RFC3: variants seen among roughly 807,000 people sequenced by gnomAD.
The protein encoded by RFC3 is A1 38 kDa subunit.
RFC3 carries 41 observed loss-of-function variants against 45.1 expected under a neutral mutation model. The observed-to-expected ratio is 0.91, with a 90% CI of 0.71 to 1.18. RFC3 has a LOEUF of 1.18. Among genes scored for constraint, RFC3 ranks in the 50% most tolerant of loss-of-function variants. The pLI is 0.00. For synonymous variants in RFC3, 149 were observed against 144.0 expected (o/e 1.03, Z -0.25); for missense variants, 423 against 428.1 (o/e 0.99, Z 0.10).
chr13:33,918,693 T>A (rs2082748605), intron 8 of RFC3, among the ~76,000 whole-genome samples: 1 of 152,098 alleles, frequency 6.6e-6, no homozygotes, highest in South Asian at 2.1e-4. Context: ...GTGGAGGGCA[T>A]TGCGACAAAA....
chr13:33,821,250 T>C lies in RFC3; in HGVS notation c.206T>C (p.Ile69Thr). ...GGTGTTGGAGTGGAAAAATTGAGAA[T>C]TGAACATCAGACCATCACAGTAAGC... ...LYGVGVEKLRIEHQTITTPSK... is the reference protein window; with the variant it reads ...LYGVGVEKLRTEHQTITTPSK... The change falls in exon 2 of 9, where the codon ATT becomes ACT. Residue 69 changes from isoleucine to threonine, a missense_variant. By Grantham distance (89) the Ile-to-Thr change is moderately conservative (BLOSUM62 -1). Transcript: ENST00000380071. The C allele has an allele frequency of 1.9e-6, 3 of 1,613,568 alleles. No individual in the cohort carries two copies. The highest frequency in any genetic ancestry group is 2.5e-6 in the Non-Finnish European group (3 of 1,179,598).
At position 33,939,233 on chromosome 13, in the gene RFC3, A is replaced by G. The variant is rs775174563; in HGVS notation, c.880-26854A>G. On this transcript the variant is annotated intron_variant, in intron 8 of 8. Transcript: ENST00000434425. ...ATATTTTTAATTTAAATATAGTCCA[A>G]TTTATCCATCCCACCTGAGTCTGTG... is the stretch of plus-strand genomic sequence containing the variant. Among the ~76,000 whole-genome samples, 22 of 152,276 alleles carry G rather than the reference A, an allele frequency of 1.4e-4. No homozygotes were observed. In the Middle Eastern group the frequency reaches 0.02, roughly 141 times the overall value.
At chr13:33,886,717 C>A (rs1196603117) in intron 8 of RFC3, among the ~76,000 whole-genome samples, 1 of 148,298 alleles carries the variant, frequency 6.7e-6, no homozygotes, top group Non-Finnish European at 1.5e-5. Context: ...ATGTGCCATG[C>A]TGGTGTGCTG....
At chr13:33,826,394 G>A (rs569316614) in intron 4 of RFC3, among the ~76,000 whole-genome samples, 7 of 152,266 alleles carry the variant, frequency 4.6e-5, no homozygotes, top group Admixed American at 1.3e-4. Flanking sequence ...GTGTTTGGGA[G>A]TGCTCATTTC....
chr13:33,887,531 A>G (rs1166449964), intron 8 of RFC3, among the ~76,000 whole-genome samples: 1 of 151,930 alleles, frequency 6.6e-6, no homozygotes, highest in Non-Finnish European at 1.5e-5. Flanking sequence ...GATTCTGGAT[A>G]TTAGCCCTTT....
At chr13:33,860,726 T>G (rs1249928952) in intron 8 of RFC3, among the ~76,000 whole-genome samples, 1 of 152,188 alleles carries the variant, frequency 6.6e-6, no homozygotes, top group African/African-American at 2.4e-5. Context: ...GTCCCTGTCA[T>G]GATTTTCCTC....
At chr13:33,876,233 C>G (rs989374059) in intron 8 of RFC3, among the ~76,000 whole-genome samples, 7 of 152,206 alleles carry the variant, frequency 4.6e-5, no homozygotes, top group African/African-American at 7.2e-5. Context: ...AAACAATTAG[C>G]TCCCAGGTGA....
chr13:33,824,056 T>C, intron 3 of RFC3, 72 bp downstream of exon 3: 2 of 716,218 alleles, frequency 2.8e-6, no homozygotes, highest in East Asian at 6.0e-5. Context: ...TTTAAAAGAT[T>C]GAAACCCTTT....
At chr13:33,961,705 C>T (rs1210492290) in intron 8 of RFC3, among the ~76,000 whole-genome samples, 1 of 152,144 alleles carries the variant, frequency 6.6e-6, no homozygotes, top group Non-Finnish European at 1.5e-5. Context: ...AGTTAGGAGG[C>T]AGGCTGCAGA....
At chr13:33,912,702 G>A (rs74957173) in intron 8 of RFC3, among the ~76,000 whole-genome samples, 4,789 of 152,172 alleles carry the variant, frequency 0.031, 214 homozygotes, top group African/African-American at 0.1. Flanking sequence ...TTCTATGAAC[G>A]CTGTGGGATC....
chr13:33,872,886 C>T (rs1311518853), intron 8 of RFC3, among the ~76,000 whole-genome samples: 1 of 143,746 alleles, frequency 7.0e-6, no homozygotes, highest in East Asian at 2.1e-4. Flanking sequence ...GATTGTTTCT[C>T]TCTGAAAAAT....
chr13:33,949,225 G>A (rs1393607553), intron 8 of RFC3, among the ~76,000 whole-genome samples: 1 of 152,014 alleles, frequency 6.6e-6, no homozygotes, highest in East Asian at 1.9e-4. Flanking sequence ...TAAGTGCCTG[G>A]CATTTTCCCC....
rs1283487586 is a variant in RFC3, at chr13:33,836,823, A to T, written c.*528A>T. 1.4e-5 allele frequency: 14 copies of T among 985,800 alleles called. No homozygotes were observed. Among genetic ancestry groups the T allele is most frequent in the Non-Finnish European group, 1.6e-5 (13 of 830,194 alleles). 61.1% of individuals were successfully genotyped at this position (985,800 alleles called of 1,614,324 possible). On this transcript the variant is annotated 3_prime_UTR_variant, in exon 9 of 9. Coordinates refer to ENST00000380071, the MANE Select transcript of RFC3 (RefSeq NM_002915.4). ...GATACCATTTCTGTTGAGGCTGCAG[A>T]TTTCCAACTTTTATTTCAGTGGTTC...
At chr13:33,869,772 A>C (rs1343266832) in intron 8 of RFC3, among the ~76,000 whole-genome samples, 1 of 152,186 alleles carries the variant, frequency 6.6e-6, no homozygotes, top group Non-Finnish European at 1.5e-5. Context: ...TGCGAGAGTT[A>C]ATCTTTTCCT....
At chr13:33,858,151 A>G (rs1401366638) in intron 8 of RFC3, among the ~76,000 whole-genome samples, 1 of 152,222 alleles carries the variant, frequency 6.6e-6, no homozygotes, top group Admixed American at 6.5e-5. Flanking sequence ...TATTTTATGG[A>G]TGACCAGCCT....
chr13:33,925,106 CGCATATATAGTGTACATATATACAT>C (rs1593696038), intron 8 of RFC3, among the ~76,000 whole-genome samples: 18 of 142,142 alleles, frequency 1.3e-4, no homozygotes, highest in East Asian at 4.0e-4. Context: ...ACTATATACA[CGCATATATAGTGTACATATATACAT>C]GCATATATAG....
At chr13:33,860,233 CT>C (rs5802695) in intron 8 of RFC3, among the ~76,000 whole-genome samples, 119,784 of 148,010 alleles carry the variant, frequency 0.81, 49,657 homozygotes, top group Non-Finnish European at 0.92. Flanking sequence ...GTGTGTTGCA[CT>C]TTTTTTTTTT....
chr13:33,832,265 G>T (rs1011697830), intron 7 of RFC3, among the ~76,000 whole-genome samples: 1 of 152,120 alleles, frequency 6.6e-6, no homozygotes, highest in Non-Finnish European at 1.5e-5. Context: ...ATGATCTTTG[G>T]ACCTTACAGA....
At chr13:33,945,692 G>T (rs1223484564) in intron 8 of RFC3, among the ~76,000 whole-genome samples, 1 of 152,152 alleles carries the variant, frequency 6.6e-6, no homozygotes, top group Non-Finnish European at 1.5e-5. Context: ...ATGCCTTTAG[G>T]GATATACGCT....
Sources: allele counts gnomAD v4.1 joint callset (sites outside exome capture counted in the v4.1 genomes callset), GRCh38; gene constraint gnomAD v4.1.1; transcripts MANE v1.5; gene names NCBI Gene and HGNC (gene_info 2026-07-23, HGNC 2026-07-21).